DMD: variants seen among roughly 807,000 people sequenced by gnomAD.
The protein encoded by DMD is mutant dystrophin.
In DMD, 63 loss-of-function variants were observed where a neutral mutation model predicts 330.1. That is an observed-to-expected ratio of 0.19 (90% confidence interval 0.16 to 0.24). The LOEUF is 0.24. Among genes scored for constraint, DMD ranks in the 10% least tolerant of loss-of-function variants. The pLI is 1.00. For synonymous variants in DMD, 1,223 were observed against 959.8 expected (o/e 1.27, Z -5.07); for missense variants, 3,344 against 2,684.1 (o/e 1.25, Z -5.43).
chrX:32,307,723 T>G (rs1409210591), intron 42 of DMD, among the ~76,000 whole-genome samples: 1 of 111,738 alleles, frequency 8.9e-6, no homozygotes, highest in Non-Finnish European at 1.9e-5. Flanking sequence ...AAACTTACGA[T>G]GCTAAGAAAT....
chrX:31,814,650 T>C (rs1256750931), intron 50 of DMD, among the ~76,000 whole-genome samples: 2 of 111,463 alleles, frequency 1.8e-5, no homozygotes, highest in Non-Finnish European at 3.8e-5. Context: ...ATGCAATTTC[T>C]TTCAAAAATG....
At chrX:32,828,465 C>CACAA (rs1477404040) in intron 4 of DMD, among the ~76,000 whole-genome samples, 2 of 109,881 alleles carry the variant, frequency 1.8e-5, no homozygotes, top group African/African-American at 6.6e-5. Context: ...CACACACACA[C>CACAA]ACACACACTC....
At chrX:32,800,557 AG>A (rs746296265) in intron 7 of DMD, among the ~76,000 whole-genome samples, 1 of 111,770 alleles carries the variant, frequency 8.9e-6, no homozygotes, top group East Asian at 2.8e-4. Flanking sequence ...GTAAACTTTA[AG>A]AAACTTTTTA....
At chrX:32,357,591 A>G (rs2097807662) in intron 37 of DMD, among the ~76,000 whole-genome samples, 1 of 109,181 alleles carries the variant, frequency 9.2e-6, no homozygotes, top group African/African-American at 3.4e-5. Context: ...CCCGAACTTC[A>G]TGTCATTATT....
chrX:31,302,285 T>C (rs1415294368), intron 62 of DMD, among the ~76,000 whole-genome samples: 1 of 111,701 alleles, frequency 9.0e-6, no homozygotes, highest in Non-Finnish European at 1.9e-5. Flanking sequence ...AGAACCAGAC[T>C]TAGATATGTA....
intron 57 of DMD, among the ~76,000 whole-genome samples, chrX:31,482,514 G>C (rs111344023): frequency 0.019 from 2,145 of 110,604 alleles, 41 homozygotes; most frequent in African/African-American, 0.06. Context: ...CAAGGAGAGA[G>C]TGAGAATTTT....
chrX:31,810,283 C>T lies in DMD; in HGVS notation c.7309+9692G>A, dbSNP rs760847266. 8.7e-4 allele frequency among the ~76,000 whole-genome samples: 96 copies of T among 110,706 alleles called. 1 individual carries two copies. Among genetic ancestry groups the T allele is most frequent in the South Asian group, 1.2e-3 (3 of 2,585 alleles). On this transcript the variant is annotated intron_variant, in intron 50 of 78. Coordinates refer to ENST00000357033, the MANE Select transcript of DMD (RefSeq NM_004006.3). Reference sequence around the variant, plus strand: ...AAGGGTAGGAGGAGGGCCACAGAGACGTTAAAAATTTGAGAAACAGCTGTT... The same window carrying T: ...AAGGGTAGGAGGAGGGCCACAGAGATGTTAAAAATTTGAGAAACAGCTGTT...
At chrX:33,301,160 T>G (rs916910439) in intron 1 of DMD, among the ~76,000 whole-genome samples, 1 of 111,251 alleles carries the variant, frequency 9.0e-6, no homozygotes, top group Non-Finnish European at 1.9e-5. Flanking sequence ...CCAGGCATTG[T>G]CTGATTTAGG....
chrX:33,292,098 A>G (rs73459996), intron 1 of DMD, among the ~76,000 whole-genome samples: 7,590 of 110,784 alleles, frequency 0.069, 308 homozygotes, highest in African/African-American at 0.15. Flanking sequence ...CCCTTCCCCA[A>G]AACTTCCGTA....
chrX:31,171,605 C>T (rs180726584), intron 73 of DMD, among the ~76,000 whole-genome samples: 1 of 111,436 alleles, frequency 9.0e-6, no homozygotes, highest in Admixed American at 9.6e-5. Flanking sequence ...CTCTCTACCT[C>T]AAGCCCCGGT....
At chrX:32,107,894 G>C (rs1193077267) in intron 44 of DMD, among the ~76,000 whole-genome samples, 2 of 111,037 alleles carry the variant, frequency 1.8e-5, no homozygotes, top group African/African-American at 6.5e-5. Flanking sequence ...GTGAACAACA[G>C]TATCATTAGA....
At chrX:31,373,657 A>G (rs2148670820) in intron 60 of DMD, among the ~76,000 whole-genome samples, 1 of 110,528 alleles carries the variant, frequency 9.0e-6, no homozygotes, top group East Asian at 2.8e-4. Context: ...TACACCTTAT[A>G]CGAAAATTAA....
intron 1 of DMD, among the ~76,000 whole-genome samples, chrX:33,135,328 C>T (rs1336579773): frequency 8.9e-6 from 1 of 112,099 alleles, no homozygotes; most frequent in Non-Finnish European, 1.9e-5. Flanking sequence ...TTGATATATA[C>T]CCCACTAACG....
Position 31,121,833 on chromosome X carries a change from T to G in DMD, c.*86A>C. 8.5e-7 allele frequency: 1 copy of G among 1,179,874 alleles called. No individual in the cohort carries two copies. Among genetic ancestry groups the G allele is most frequent in the South Asian group, 1.8e-5 (1 of 56,348 alleles). ...GCGGGAATCAGGAGTTGTAAAACAT[T>G]TATTCTGCTCCTTCTTCATCTGTCA... is the stretch of plus-strand genomic sequence containing the variant. On this transcript the variant is annotated 3_prime_UTR_variant, in exon 79 of 79. Coordinates refer to ENST00000357033, the MANE Select transcript of DMD (RefSeq NM_004006.3).
chrX:32,510,281 C>T (rs898273444), intron 18 of DMD, among the ~76,000 whole-genome samples: 1 of 111,897 alleles, frequency 8.9e-6, no homozygotes, highest in Non-Finnish European at 1.9e-5. Context: ...TGCTGTTACA[C>T]GGCTGTGCAT....
intron 44 of DMD, among the ~76,000 whole-genome samples, chrX:32,000,671 G>A (rs867144284): frequency 1.5e-4 from 17 of 111,606 alleles, no homozygotes; most frequent in Admixed American, 5.7e-4. Context: ...TTAAACTCCT[G>A]CGTTATAATG....
chrX:32,154,773 G>A (rs989480815), intron 44 of DMD, among the ~76,000 whole-genome samples: 1 of 110,562 alleles, frequency 9.0e-6, no homozygotes, highest in East Asian at 2.8e-4. Flanking sequence ...GTTAATTGCC[G>A]TCTTAACACA....
chrX:31,530,743 T>C (rs1223147996), intron 55 of DMD, among the ~76,000 whole-genome samples: 2 of 69,176 alleles, frequency 2.9e-5, no homozygotes, highest in Non-Finnish European at 5.4e-5. Context: ...GTTACATATG[T>C]ATACATGTGC....
chrX:32,382,716 T>C lies in DMD; in HGVS notation c.4675-2036A>G, dbSNP rs372193915. 1.1e-3 allele frequency among the ~76,000 whole-genome samples: 116 copies of C among 109,950 alleles called. 1 individual carries two copies. The highest frequency in any genetic ancestry group is 3.6e-3 in the African/African-American group (110 of 30,394). ...GTGAGGGAAAATATACTTTATGGTG[T>C]GTTTCTATGCATATTTTTCCTATGC... On this transcript the variant is annotated intron_variant, in intron 33 of 78. Coordinates refer to ENST00000357033, the MANE Select transcript of DMD (RefSeq NM_004006.3).
Sources: gnomAD v4.1 joint callset for allele counts (sites outside exome capture counted in the v4.1 genomes callset) on GRCh38, gnomAD v4.1.1 for gene constraint, MANE v1.5 for transcripts, NCBI Gene and HGNC (gene_info 2026-07-23, HGNC 2026-07-21) for gene names.